The following ZNF609 variants were observed in gnomAD, a reference collection of about 807,000 sequenced individuals.
ZNF609 encodes zinc finger protein 609.
In ZNF609, 11 loss-of-function variants were observed where a neutral mutation model predicts 109.5. The observed-to-expected ratio is 0.10, with a 90% CI of 0.06 to 0.17. The LOEUF (loss-of-function observed/expected upper bound fraction) is 0.17, where lower values mean the gene tolerates loss of function less well. Among genes scored for constraint, ZNF609 ranks in the 10% least tolerant of loss-of-function variants. ZNF609 has a pLI of 1.00. For synonymous variants in ZNF609, 646 were observed against 662.0 expected, an observed-to-expected ratio of 0.98 and a Z score of 0.37; for missense variants, 1,559 against 1,772.4, an observed-to-expected ratio of 0.88 and a Z score of 2.16.
Position 64,554,188 on chromosome 15 carries a change from A to G in ZNF609, c.747+54022A>G, listed in dbSNP as rs117154108. 1.8e-4 allele frequency among the ~76,000 whole-genome samples: 28 copies of G among 152,320 alleles called. No individual in the cohort carries two copies. The East Asian group carries it at 4.8e-3, about 26-fold the overall frequency. Reference sequence around the variant, plus strand: ...GGGAAAGCATTCCGTTTTTACCATTAAATATGACGTTAGCTGTAGTTTTTT... The same window carrying G: ...GGGAAAGCATTCCGTTTTTACCATTGAATATGACGTTAGCTGTAGTTTTTT... On this transcript the variant is annotated intron_variant, in intron 2 of 9. Coordinates refer to ENST00000326648, the MANE Select transcript of ZNF609 (RefSeq NM_015042.2).
chr15:64,520,837 C>T (rs972006659), intron 2 of ZNF609, among the ~76,000 whole-genome samples: 3 of 152,066 alleles, frequency 2.0e-5, no homozygotes, highest in African/African-American at 7.2e-5. Context: ...GCTCTGAGTA[C>T]GGGACAGAAT....
At chr15:64,635,005 C>A (rs139753617) in intron 3 of ZNF609, among the ~76,000 whole-genome samples, 1 of 152,108 alleles carries the variant, frequency 6.6e-6, no homozygotes, top group South Asian at 2.1e-4. Flanking sequence ...CACTGTCATA[C>A]ATTTAAATCC....
chr15:64,683,474 T>TTCTGAGTTGGGTTC lies in ZNF609; in HGVS notation c.*1790_*1791insTGAGTTGGGTTCTC, dbSNP rs2083223314. Reference sequence around the variant, plus strand: ...CTAGGTTTCTGCCTCCTCGTTTTTGTTCAAGTTGGGTTCTGAGTCCTCCCC... The same window carrying TTCTGAGTTGGGTTC: ...CTAGGTTTCTGCCTCCTCGTTTTTGTTCTGAGTTGGGTTCTCAAGTTGGGTTCTGAGTCCTCCCC... On this transcript the variant is annotated 3_prime_UTR_variant, in exon 10 of 10. Coordinates refer to ENST00000326648, the MANE Select transcript of ZNF609 (RefSeq NM_015042.2). 6.5e-6 allele frequency: 1 copy of TTCTGAGTTGGGTTC among 152,788 alleles called. No homozygotes were observed. Among genetic ancestry groups the TTCTGAGTTGGGTTC allele is most frequent in the Non-Finnish European group, 1.5e-5 (1 of 68,178 alleles). 9.5% of individuals were successfully genotyped at this position (152,788 alleles called of 1,614,324 possible).
At chr15:64,527,720 C>T (rs891292281) in intron 2 of ZNF609, among the ~76,000 whole-genome samples, 2 of 152,170 alleles carry the variant, frequency 1.3e-5, no homozygotes, top group African/African-American at 4.8e-5. Flanking sequence ...TCTGCCCAGT[C>T]ACCCAAACTA....
rs1172780343 is a variant in ZNF609 at position 64,683,180 on chromosome 15, C to G, written c.*1494C>G. ...GGTATCATCCCTCTGTTCTCCCCTCCTATCTTTCCATGACCCTCTGGATTG... is the reference window on the plus strand; with the variant it reads ...GGTATCATCCCTCTGTTCTCCCCTCGTATCTTTCCATGACCCTCTGGATTG... On this transcript the variant is annotated 3_prime_UTR_variant, in exon 10 of 10. Coordinates refer to ENST00000326648, the MANE Select transcript of ZNF609 (RefSeq NM_015042.2). 1 of 152,758 alleles carries G rather than the reference C, an allele frequency of 6.5e-6. No homozygotes were observed. The highest frequency in any genetic ancestry group is 2.4e-5 in the African/African-American group (1 of 41,558). 9.5% of individuals were successfully genotyped at this position (152,758 alleles called of 1,614,324 possible).
At chr15:64,607,419 G>T (rs1895621021) in intron 2 of ZNF609, among the ~76,000 whole-genome samples, 1 of 150,984 alleles carries the variant, frequency 6.6e-6, no homozygotes, top group Non-Finnish European at 1.5e-5. Context: ...GAATCCAGCT[G>T]TCTTCTATTA....
At chr15:64,558,568 A>T (rs1262935158) in intron 2 of ZNF609, among the ~76,000 whole-genome samples, 2 of 152,186 alleles carry the variant, frequency 1.3e-5, no homozygotes, top group African/African-American at 4.8e-5. Flanking sequence ...TTTCTGCCCA[A>T]AGCTGAGTTA....
intron 1 of ZNF609, among the ~76,000 whole-genome samples, chr15:64,478,025 G>T (rs1893197006): frequency 6.6e-6 from 1 of 152,126 alleles, no homozygotes; most frequent in Admixed American, 6.5e-5. Context: ...TGTAGCTGAG[G>T]ATATATTGGG....
chr15:64,468,655 G>T (rs1566991705), intron 1 of ZNF609, among the ~76,000 whole-genome samples: 1 of 151,986 alleles, frequency 6.6e-6, no homozygotes, highest in Admixed American at 6.6e-5. Context: ...GACTCAAGCA[G>T]TCCTCCTTCC....
chr15:64,560,634 G>T lies in ZNF609; in HGVS notation c.747+60468G>T, dbSNP rs180957024. ...ATGTGTGTGGAGGAGAAGAGGAAAA[G>T]AACAGAGATGGAAAAGATTTTGAAG... On this transcript the variant is annotated intron_variant, in intron 2 of 9. Transcript: ENST00000326648. 1.2e-3 allele frequency among the ~76,000 whole-genome samples: 180 copies of T among 152,262 alleles called. 3 individuals carry two copies. Among genetic ancestry groups the T allele is most frequent in the Non-Finnish European group, 4.0e-4 (27 of 68,022 alleles).
intron 7 of ZNF609, 128 bp from the exon 8 acceptor site, chr15:64,680,518 T>C: frequency 7.8e-7 from 1 of 1,279,968 alleles, no homozygotes; most frequent in Non-Finnish European, 1.1e-6. Context: ...CTTAGGTATC[T>C]TGCACTTTTA....
At chr15:64,627,220 A>T (rs540625249) in intron 3 of ZNF609, among the ~76,000 whole-genome samples, 12 of 152,196 alleles carry the variant, frequency 7.9e-5, no homozygotes, top group African/African-American at 2.9e-4. Flanking sequence ...AACAAAACAA[A>T]ACTACCAAGT....
chr15:64,494,880 C>T (rs1776838918), intron 1 of ZNF609, among the ~76,000 whole-genome samples: 3 of 152,160 alleles, frequency 2.0e-5, no homozygotes, highest in Non-Finnish European at 4.4e-5. Context: ...CCTTTCCAGA[C>T]CAAAGAATCC....
intron 1 of ZNF609, among the ~76,000 whole-genome samples, chr15:64,497,870 G>A (rs1893506794): frequency 6.7e-6 from 1 of 150,240 alleles, no homozygotes; most frequent in African/African-American, 2.4e-5. Flanking sequence ...CACTGCACTT[G>A]AGCCTGGGCA....
Position 64,588,532 on chromosome 15 carries a change from A to G in ZNF609, c.748-34295A>G, listed in dbSNP as rs538664188. Among the ~76,000 whole-genome samples the G allele has an allele frequency of 2.0e-5, 3 of 147,790 alleles. No individual in the cohort carries two copies. In the South Asian group the frequency reaches 6.7e-4, roughly 33 times the overall value. ...TGTTTTTTGTTTGTTATTTGTGGAG[A>G]TGGTATCTCACTTTGTTGCCCACGC... On this transcript the variant is annotated intron_variant, in intron 2 of 9. Coordinates refer to ENST00000326648, the MANE Select transcript of ZNF609 (RefSeq NM_015042.2).
At position 64,682,529 on chromosome 15, in the gene ZNF609, C is replaced by T. The variant is rs2083216414; in HGVS notation, c.*843C>T. Reference sequence around the variant, plus strand: ...TGCTTCTTATTCCCCAACTCCTTGCCCTTTTCCCTTCCCTCCTAACCCCTT... The same window carrying T: ...TGCTTCTTATTCCCCAACTCCTTGCTCTTTTCCCTTCCCTCCTAACCCCTT... On this transcript the variant is annotated 3_prime_UTR_variant, in exon 10 of 10. Transcript: ENST00000326648. 6.5e-6 allele frequency: 1 copy of T among 152,966 alleles called. No homozygotes were observed. The highest frequency in any genetic ancestry group is 1.9e-4 in the East Asian group (1 of 5,200). The allele number at this position is 152,966 out of a possible 1,614,324, so 9.5% of individuals were successfully genotyped here.
At chr15:64,588,442 A>AAAAAAGAAG (rs71133451) in intron 2 of ZNF609, among the ~76,000 whole-genome samples, 1 of 75,270 alleles carries the variant, frequency 1.3e-5, no homozygotes, top group African/African-American at 5.1e-5. Flanking sequence ...AAAAAAAAAA[A>AAAAAAGAAG]AAGAAGAGGA....
At chr15:64,483,558 C>T (rs1411696590) in intron 1 of ZNF609, among the ~76,000 whole-genome samples, 5 of 152,126 alleles carry the variant, frequency 3.3e-5, no homozygotes, top group Non-Finnish European at 5.9e-5. Context: ...GGCTACATTT[C>T]TTATTTTAGT....
chr15:64,473,116 G>A (rs1893113352), intron 1 of ZNF609, among the ~76,000 whole-genome samples: 1 of 150,916 alleles, frequency 6.6e-6, no homozygotes, highest in Non-Finnish European at 1.5e-5. Context: ...TTTGAAACCC[G>A]CCTATGCTTT....
Sources: allele counts gnomAD v4.1 joint callset (sites outside exome capture counted in the v4.1 genomes callset), GRCh38; gene constraint gnomAD v4.1.1; transcripts MANE v1.5; gene names NCBI Gene and HGNC (gene_info 2026-07-23, HGNC 2026-07-21).